Variants in SDC2 observed in about 807,000 individuals in gnomAD.
SDC2 encodes the protein syndecan-2.
In SDC2, 13 loss-of-function variants were observed where a neutral mutation model predicts 22.2. The ratio of observed to expected loss-of-function variants is 0.59; its 90% CI spans 0.38 to 0.93. The LOEUF is 0.93. Ranked by LOEUF, SDC2 falls within the 40% of genes least tolerant of loss-of-function variation. The pLI is 0.00. For synonymous variants in SDC2, 94 were observed against 92.8 expected (o/e 1.01, Z -0.07); for missense variants, 235 against 246.8 (o/e 0.95, Z 0.32).
intron 1 of SDC2, among the ~76,000 whole-genome samples, chr8:96,552,416 G>C (rs900317693): frequency 1.2e-4 from 19 of 152,110 alleles, no homozygotes; most frequent in Non-Finnish European, 1.8e-4. Flanking sequence ...TGTTGTTACT[G>C]TGCGTTTGGC....
chr8:96,494,887 T>C (rs916448227), intron 1 of SDC2, among the ~76,000 whole-genome samples: 13 of 152,166 alleles, frequency 8.5e-5, no homozygotes, highest in Non-Finnish European at 1.9e-4. Context: ...AAAGTTCTTT[T>C]GTTTGATGCT....
intron 1 of SDC2, among the ~76,000 whole-genome samples, chr8:96,519,326 G>C (rs1166755970): frequency 6.6e-6 from 1 of 152,122 alleles, no homozygotes; most frequent in Non-Finnish European, 1.5e-5. Context: ...AAATTTCAAA[G>C]TATTAGTACA....
intron 1 of SDC2, among the ~76,000 whole-genome samples, chr8:96,506,005 A>G (rs1485223998): frequency 6.6e-6 from 1 of 152,240 alleles, no homozygotes; most frequent in Non-Finnish European, 1.5e-5. Context: ...CGGCATTTGT[A>G]CAATCAAAAT....
intron 1 of SDC2, among the ~76,000 whole-genome samples, chr8:96,554,687 T>A (rs1814081345): frequency 6.6e-6 from 1 of 152,204 alleles, no homozygotes; most frequent in Admixed American, 6.5e-5. Context: ...AGTTACGACT[T>A]GATCCAGGTT....
chr8:96,608,511 T>C, intron 4 of SDC2, 41 bp downstream of exon 4: 1 of 1,566,386 alleles, frequency 6.4e-7, no homozygotes, highest in East Asian at 2.3e-5. Flanking sequence ...GGTGCCTACA[T>C]AGGCCTCTGT....
chr8:96,558,229 T>G (rs1814151998), intron 1 of SDC2, among the ~76,000 whole-genome samples: 1 of 152,208 alleles, frequency 6.6e-6, no homozygotes, highest in Middle Eastern at 3.4e-3. Flanking sequence ...GGATTTGCCC[T>G]GATTCTTGGG....
At chr8:96,534,364 G>A (rs1030566178) in intron 1 of SDC2, among the ~76,000 whole-genome samples, 13 of 152,210 alleles carry the variant, frequency 8.5e-5, no homozygotes, top group Admixed American at 3.9e-4. Flanking sequence ...CTGCCAGCAC[G>A]CTGTCACCTC....
intron 1 of SDC2, among the ~76,000 whole-genome samples, chr8:96,523,921 TG>T (rs1813536436): frequency 6.6e-6 from 1 of 152,238 alleles, no homozygotes. Context: ...CTTCTCTGGT[TG>T]TTGCCACAGA....
chr8:96,495,279 C>T (rs1279827726), intron 1 of SDC2, among the ~76,000 whole-genome samples: 1 of 152,226 alleles, frequency 6.6e-6, no homozygotes, highest in South Asian at 2.1e-4. Context: ...CGCCTGCCGG[C>T]ACCCAGCTTC....
At chr8:96,531,043 C>G (rs1813653235) in intron 1 of SDC2, among the ~76,000 whole-genome samples, 1 of 152,164 alleles carries the variant, frequency 6.6e-6, no homozygotes, top group Non-Finnish European at 1.5e-5. Flanking sequence ...GTGTCCAGCT[C>G]CCCTGAGGGC....
At chr8:96,574,759 G>A (rs1272770876) in intron 1 of SDC2, among the ~76,000 whole-genome samples, 2 of 152,134 alleles carry the variant, frequency 1.3e-5, no homozygotes, top group African/African-American at 4.8e-5. Flanking sequence ...TTTATTTTAT[G>A]TTTTATGTCT....
chr8:96,524,170 G>A (rs939470156), intron 1 of SDC2, among the ~76,000 whole-genome samples: 1 of 152,202 alleles, frequency 6.6e-6, no homozygotes. Context: ...GTGCCTGCAC[G>A]GTGCTGACTT....
intron 1 of SDC2, among the ~76,000 whole-genome samples, chr8:96,588,344 A>G (rs181662081): frequency 1.6e-3 from 241 of 152,332 alleles, no homozygotes; most frequent in Middle Eastern, 3.4e-3. Flanking sequence ...TAGCTTAAGG[A>G]CAGGTATATC....
chr8:96,556,320 A>G (rs1314596157), intron 1 of SDC2, among the ~76,000 whole-genome samples: 1 of 113,144 alleles, frequency 8.8e-6, no homozygotes, highest in South Asian at 2.8e-4. Flanking sequence ...CGCCCCACAC[A>G]CTTTTAACCA....
At chr8:96,556,360 G>A (rs1586297766) in intron 1 of SDC2, among the ~76,000 whole-genome samples, 1 of 102,536 alleles carries the variant, frequency 9.8e-6, no homozygotes, top group South Asian at 3.3e-4. Flanking sequence ...TAAATACTTT[G>A]CCACATGTCT....
chr8:96,501,128 GT>G (rs889163020), intron 1 of SDC2, among the ~76,000 whole-genome samples: 3 of 150,464 alleles, frequency 2.0e-5, no homozygotes, highest in Admixed American at 6.6e-5. Flanking sequence ...GCATTTTGGT[GT>G]TTTTTTTTAT....
intron 1 of SDC2, among the ~76,000 whole-genome samples, chr8:96,560,421 T>G (rs1814189736): frequency 6.6e-6 from 1 of 152,228 alleles, no homozygotes; most frequent in Non-Finnish European, 1.5e-5. Flanking sequence ...TTAAGTGCTA[T>G]ATGAGTTAAC....
chr8:96,508,295 C>CAAA (rs1307283860), intron 1 of SDC2, among the ~76,000 whole-genome samples: 3 of 111,272 alleles, frequency 2.7e-5, no homozygotes, highest in African/African-American at 1.1e-4. Flanking sequence ...GACTCCGTCT[C>CAAA]AAATAATAAT....
In SDC2 at chr8:96,505,783, T is replaced by C. The variant is rs1813230054; in HGVS notation, c.60+11452T>C. Among the ~76,000 whole-genome samples the C allele has an allele frequency of 1.3e-5, 2 of 152,216 alleles. 1 individual carries two copies. Among genetic ancestry groups the C allele is most frequent in the South Asian group, 4.1e-4 (2 of 4,836 alleles). On this transcript the variant is annotated intron_variant, in intron 1 of 4. Transcript: ENST00000302190. ...TGAATTAAGTTTTGTACTCGATAAA[T>C]CAGTTTAACAATGGACACACGTTAC...
Sources: gnomAD v4.1 joint callset for allele counts (sites outside exome capture counted in the v4.1 genomes callset) on GRCh38, gnomAD v4.1.1 for gene constraint, MANE v1.5 for transcripts, NCBI Gene and HGNC (gene_info 2026-07-23, HGNC 2026-07-21) for gene names.